Variants in PCSK4 observed in about 807,000 individuals in gnomAD.
PCSK4 encodes testicular tissue protein Li 135.
A neutral mutation model predicts 80.3 loss-of-function variants in PCSK4; 64 were observed. That is an observed-to-expected ratio of 0.80 (90% CI 0.65 to 0.98). PCSK4 has a LOEUF of 0.98. Ranked by LOEUF, PCSK4 falls within the 50% of genes least tolerant of loss-of-function variation. The pLI is 0.00. For missense variants in PCSK4, 1,213 were observed against 1,093.6 expected, an observed-to-expected ratio of 1.11 and a Z score of -1.54; for synonymous variants, 561 against 487.6, an observed-to-expected ratio of 1.15 and a Z score of -1.98.
chr19:1,490,677 C>A, upstream of PCSK4: 1 of 320,850 alleles, frequency 3.1e-6, no homozygotes, highest in East Asian at 5.3e-5. Context: ...CAACACACCC[C>A]TCCTTCGAGA....
chr19:1,483,017 G>A, exon 13 of PCSK4: 4 of 1,570,742 alleles, frequency 2.5e-6, no homozygotes, highest in Non-Finnish European at 3.5e-6. Flanking sequence ...TGACGTCCAA[G>A]GGTCTGGGAC....
At chr19:1,487,907 G>A in intron 4 of PCSK4, 46 bp from the exon 5 acceptor site, 1 of 1,579,466 alleles carries the variant, frequency 6.3e-7, no homozygotes, top group Non-Finnish European at 8.6e-7. Flanking sequence ...CGTCCCTAGG[G>A]TGGTGCCAGC....
exon 4 of PCSK4, chr19:1,488,000 G>A: frequency 1.9e-6 from 3 of 1,613,276 alleles, no homozygotes; most frequent in Middle Eastern, 1.7e-4. Context: ...CCTTCTCGAT[G>A]CCATCGTCCA....
chr19:1,483,679 C>G, exon 11 of PCSK4: 1 of 1,596,288 alleles, frequency 6.3e-7, no homozygotes, highest in African/African-American at 1.3e-5. Context: ...GGACGGCGCA[C>G]TTCCTCTGCG....
chr19:1,485,638 G>A (rs933879182), intron 8 of PCSK4, among the ~76,000 whole-genome samples: 7 of 151,810 alleles, frequency 4.6e-5, no homozygotes, highest in Admixed American at 2.0e-4. Context: ...TTGGGAGGCC[G>A]AGGTGGGCGG....
In PCSK4 at chr19:1,487,595, C is replaced by G. The variant is rs909549116; in HGVS notation, c.682+8G>C. 7 of 1,548,794 alleles carry G rather than the reference C, an allele frequency of 4.5e-6. No individual in the cohort carries two copies. Among genetic ancestry groups the G allele is most frequent in the East Asian group, 4.9e-5 (2 of 40,998 alleles). ...CCCGGAATGGTGCCGCTGGGGGACC[C>G]CGGGTACCTCCGATTCGGGCGTTGA... On this transcript the variant is annotated splice_region_variant and intron_variant, in intron 6 of 14. Transcript: ENST00000300954.
chr19:1,483,102 C>T (rs947365163), intron 12 of PCSK4, 82 bp from the exon 13 acceptor site: 1 of 1,359,510 alleles, frequency 7.4e-7, no homozygotes, highest in African/African-American at 1.5e-5. Context: ...AAGTGTCTGA[C>T]CGCACGCGCT....
intron 10 of PCSK4, 22 bp downstream of exon 10, chr19:1,483,816 C>A (rs1336853685): frequency 1.3e-6 from 2 of 1,490,660 alleles, no homozygotes; most frequent in African/African-American, 2.9e-5. Flanking sequence ...CGGGTCCCCG[C>A]CCCCGCCCGG....
At chr19:1,485,336 G>C (rs2084546965) in intron 8 of PCSK4, among the ~76,000 whole-genome samples, 1 of 151,876 alleles carries the variant, frequency 6.6e-6, no homozygotes, top group African/African-American at 2.4e-5. Flanking sequence ...GGCCGAGGCT[G>C]GTGGATCGCT....
chr19:1,482,761 T>A (rs935361623), intron 13 of PCSK4, 135 bp downstream of exon 13: 45 of 947,272 alleles, frequency 4.8e-5, no homozygotes, highest in Non-Finnish European at 6.7e-5. Context: ...ACTGCACGCC[T>A]ACTGTGTGCA....
rs186801124 is a variant in PCSK4 at position 1,488,921 on chromosome 19, C to A, written c.295-641G>T. 9.9e-4 allele frequency among the ~76,000 whole-genome samples: 150 copies of A among 152,256 alleles called. 1 individual carries two copies. The highest frequency in any genetic ancestry group is 1.8e-3 in the Admixed American group (28 of 15,294). ...AAACCACATCAGGAACTGGCCACTG[C>A]TCTCCCTCCCGGTGCTGTAAGCAGG... is the stretch of plus-strand genomic sequence containing the variant. On this transcript the variant is annotated intron_variant, in intron 2 of 14. Transcript: ENST00000300954.
At chr19:1,482,668 G>A (rs2084361780) in intron 13 of PCSK4, 193 bp from the exon 14 acceptor site, 3 of 795,142 alleles carry the variant, frequency 3.8e-6, no homozygotes, top group Admixed American at 2.7e-5. Context: ...CACACCTACT[G>A]TGCGCCTGTC....
intron 8 of PCSK4, among the ~76,000 whole-genome samples, chr19:1,485,359 T>A (rs1421233733): frequency 6.9e-6 from 1 of 144,692 alleles, no homozygotes; most frequent in Non-Finnish European, 1.5e-5. Flanking sequence ...ACCTGAGGAG[T>A]TGGAGACCAG....
chr19:1,489,793 C>A, exon 2 of PCSK4: 1 of 1,609,516 alleles, frequency 6.2e-7, no homozygotes, highest in South Asian at 1.1e-5. Context: ...CCAGGCTCAC[C>A]TTGGGGTTTT....
chr19:1,481,870 G>A (rs150984670), exon 15 of PCSK4: 21 of 1,587,676 alleles, frequency 1.3e-5, no homozygotes, highest in South Asian at 2.3e-5. Flanking sequence ...CGGGGCCTCC[G>A]AGGGTCACGG....
intron 6 of PCSK4, 64 bp downstream of exon 6, chr19:1,487,539 C>A: frequency 7.1e-7 from 1 of 1,403,086 alleles, no homozygotes; most frequent in Non-Finnish European, 9.8e-7. Context: ...GGGCCCAGCT[C>A]CCCGCCAGAG....
At position 1,483,023 on chromosome 19, in the gene PCSK4, G is replaced by A. The variant is rs1299864323; in HGVS notation, c.1572-3C>T. 6.5e-7 allele frequency: 1 copy of A among 1,533,064 alleles called. No homozygotes were observed. The highest frequency in any genetic ancestry group is 2.3e-5 in the East Asian group (1 of 43,552). 95.0% of individuals were successfully genotyped at this position (1,533,064 alleles called of 1,614,324 possible). ...CTTCAGTGCTGACGTCCAAGGGTCTGGGACAGAAGGGTGGGTGGGGGTGGG... is the reference window on the plus strand; with the variant it reads ...CTTCAGTGCTGACGTCCAAGGGTCTAGGACAGAAGGGTGGGTGGGGGTGGG... On this transcript the variant is annotated splice_polypyrimidine_tract_variant and splice_region_variant and intron_variant, in intron 12 of 14. Transcript: ENST00000300954.
intron 6 of PCSK4, 33 bp from the exon 7 acceptor site, chr19:1,487,346 C>A: frequency 2.0e-6 from 3 of 1,521,998 alleles, no homozygotes; most frequent in Non-Finnish European, 2.7e-6. Flanking sequence ...CCGCTGCCAC[C>A]GGCCCTGCCC....
Position 1,483,278 on chromosome 19 carries a change from G to C in PCSK4, c.1571+6C>G. ...GGCCGCCCCCTCTCCTCTGCGGGCC[G>C]CTCACCGTATGGCCACGAGTGTGGA... On this transcript the variant is annotated splice_donor_region_variant and intron_variant, in intron 12 of 14. Transcript: ENST00000300954. The C allele has an allele frequency of 6.4e-7, 1 of 1,572,414 alleles. No individual in the cohort carries two copies. Among genetic ancestry groups the C allele is most frequent in the Non-Finnish European group, 8.6e-7 (1 of 1,158,306 alleles).
Sources: allele counts gnomAD v4.1 joint callset (sites outside exome capture counted in the v4.1 genomes callset), GRCh38; gene constraint gnomAD v4.1.1; transcripts MANE v1.5; gene names NCBI Gene and HGNC (gene_info 2026-07-23, HGNC 2026-07-21).